Variants in PPP2R5E observed in about 807,000 individuals in gnomAD.
PPP2R5E encodes the protein serine/threonine-protein phosphatase 2A 56 kDa regulatory subunit epsilon isoform.
PPP2R5E carries 4 observed loss-of-function variants against 65.3 expected under a neutral mutation model. The ratio of observed to expected loss-of-function variants is 0.06; its 90% CI spans 0.03 to 0.14. The LOEUF (loss-of-function observed/expected upper bound fraction) is 0.14, where lower values mean the gene tolerates loss of function less well. Ranked by LOEUF, PPP2R5E falls within the 10% of genes least tolerant of loss-of-function variation. The pLI is 1.00. For missense variants in PPP2R5E, 274 were observed against 556.1 expected, an observed-to-expected ratio of 0.49 and a Z score of 5.10; for synonymous variants, 183 against 187.4, an observed-to-expected ratio of 0.98 and a Z score of 0.19.
intron 4 of PPP2R5E, among the ~76,000 whole-genome samples, chr14:63,416,689 TTAACA>T (rs1393944469): frequency 1.3e-5 from 2 of 152,094 alleles, no homozygotes; most frequent in East Asian, 3.9e-4. Context: ...GCATTATATG[TTAACA>T]TAATTATGTT....
intron 3 of PPP2R5E, among the ~76,000 whole-genome samples, chr14:63,438,700 G>A (rs894529774): frequency 5.9e-5 from 9 of 152,138 alleles, no homozygotes; most frequent in Non-Finnish European, 1.3e-4. Flanking sequence ...AAGCCAGAAG[G>A]ACTACAGCTT....
At chr14:63,471,935 G>A (rs1387119773) in intron 2 of PPP2R5E, among the ~76,000 whole-genome samples, 1 of 152,132 alleles carries the variant, frequency 6.6e-6, no homozygotes, top group Non-Finnish European at 1.5e-5. Context: ...TCTCCTCTTT[G>A]TACCAAGCAA....
chr14:63,382,212 T>C, intron 12 of PPP2R5E, 55 bp from the exon 13 acceptor site: 7 of 1,398,414 alleles, frequency 5.0e-6, no homozygotes, highest in South Asian at 3.6e-5. Context: ...AATGGGATAC[T>C]GAATGAAGAA....
intron 3 of PPP2R5E, among the ~76,000 whole-genome samples, chr14:63,438,521 T>C (rs1406507600): frequency 2.0e-5 from 3 of 152,176 alleles, no homozygotes; most frequent in Non-Finnish European, 4.4e-5. Context: ...AATGCAGTAC[T>C]GTAACTTATC....
At chr14:63,392,122 G>T in intron 8 of PPP2R5E, 97 bp from the exon 9 acceptor site, 2 of 810,206 alleles carry the variant, frequency 2.5e-6, no homozygotes, top group Non-Finnish European at 1.9e-6. Context: ...TTTCCAGACT[G>T]CTTTTAATAA....
chr14:63,421,032 G>A (rs1490066893), intron 4 of PPP2R5E, among the ~76,000 whole-genome samples: 3 of 72,702 alleles, frequency 4.1e-5, no homozygotes, highest in Non-Finnish European at 4.4e-5. Context: ...CAGCCTGGGC[G>A]ACAGAGCGAG....
chr14:63,397,671 AT>A (rs1885485103), intron 5 of PPP2R5E, among the ~76,000 whole-genome samples: 1 of 152,008 alleles, frequency 6.6e-6, no homozygotes, highest in Non-Finnish European at 1.5e-5. Context: ...CACTCTGTAA[AT>A]AGTCAACGAA....
At chr14:63,399,366 C>CT (rs397814218) in intron 5 of PPP2R5E, among the ~76,000 whole-genome samples, 4,233 of 48,296 alleles carry the variant, frequency 0.088, 788 homozygotes, top group Middle Eastern at 0.12. Flanking sequence ...GGATTTCTTT[C>CT]TTTTTTTTTT....
At chr14:63,390,769 C>T (rs1884973953) in intron 10 of PPP2R5E, among the ~76,000 whole-genome samples, 1 of 152,204 alleles carries the variant, frequency 6.6e-6, no homozygotes, top group Non-Finnish European at 1.5e-5. Context: ...AAAGTTTTAA[C>T]CAAATATAAA....
chr14:63,525,177 T>A (rs1893136041), intron 2 of PPP2R5E, among the ~76,000 whole-genome samples: 1 of 152,214 alleles, frequency 6.6e-6, no homozygotes, highest in Non-Finnish European at 1.5e-5. Context: ...CAGACATCTC[T>A]TCTTAACTGA....
intron 2 of PPP2R5E, among the ~76,000 whole-genome samples, chr14:63,526,248 A>T (rs1233465940): frequency 1.3e-5 from 2 of 152,182 alleles, no homozygotes; most frequent in East Asian, 3.8e-4. Context: ...TTTGAATCTA[A>T]ATATCAAAAC....
At chr14:63,520,331 A>G (rs867593162) in intron 2 of PPP2R5E, among the ~76,000 whole-genome samples, 55 of 152,252 alleles carry the variant, frequency 3.6e-4, no homozygotes, top group African/African-American at 1.3e-3. Flanking sequence ...CACCGCGCCC[A>G]GCCAAGAAGA....
chr14:63,467,301 A>G (rs1271053390), intron 2 of PPP2R5E, among the ~76,000 whole-genome samples: 2 of 152,068 alleles, frequency 1.3e-5, no homozygotes, highest in African/African-American at 4.8e-5. Flanking sequence ...TAGCCACAAA[A>G]CATCCGTCTC....
chr14:63,417,481 A>C (rs906273699), intron 4 of PPP2R5E, among the ~76,000 whole-genome samples: 1 of 140,266 alleles, frequency 7.1e-6, no homozygotes, highest in Non-Finnish European at 1.5e-5. Context: ...ATGATGTTTC[A>C]TGAGGAGGAA....
At chr14:63,501,282 G>A (rs1476473763) in intron 2 of PPP2R5E, among the ~76,000 whole-genome samples, 1 of 151,976 alleles carries the variant, frequency 6.6e-6, no homozygotes, top group Non-Finnish European at 1.5e-5. Flanking sequence ...GCGAGCGCCT[G>A]TAGTCCCAGC....
intron 1 of PPP2R5E, among the ~76,000 whole-genome samples, 186 bp downstream of exon 1, chr14:63,542,593 T>A (rs1057369545): frequency 2.6e-5 from 4 of 151,948 alleles, no homozygotes; most frequent in African/African-American, 9.7e-5. Context: ...ATGAGAGGTA[T>A]CATCAGAAGC....
chr14:63,409,133 C>T (rs767401545), intron 5 of PPP2R5E, among the ~76,000 whole-genome samples: 6 of 152,126 alleles, frequency 3.9e-5, no homozygotes, highest in Admixed American at 1.3e-4. Context: ...CTCAGGAGGC[C>T]GAGGCAGGAG....
chr14:63,439,573 C>T (rs1208242167), intron 3 of PPP2R5E, among the ~76,000 whole-genome samples: 1 of 152,126 alleles, frequency 6.6e-6, no homozygotes, highest in Non-Finnish European at 1.5e-5. Context: ...GGGGTTTCTC[C>T]GTGTTGGTCA....
chr14:63,457,051 T>G lies in PPP2R5E; in HGVS notation c.158-3166A>C, dbSNP rs74723945. Among the ~76,000 whole-genome samples, 126 of 152,266 alleles carry G rather than the reference T, an allele frequency of 8.3e-4. No individual in the cohort carries two copies. In the East Asian group the frequency reaches 0.013, roughly 16 times the overall value. ...CCTTTATGGTAACAATTTAGGAAAGTTTTATACATGTTGAAGGATGACCAG... is the reference window on the plus strand; with the variant it reads ...CCTTTATGGTAACAATTTAGGAAAGGTTTATACATGTTGAAGGATGACCAG... On this transcript the variant is annotated intron_variant, in intron 2 of 13. Transcript: ENST00000337537.
Sources: allele counts gnomAD v4.1 joint callset (sites outside exome capture counted in the v4.1 genomes callset), GRCh38; gene constraint gnomAD v4.1.1; transcripts MANE v1.5; gene names NCBI Gene and HGNC (gene_info 2026-07-23, HGNC 2026-07-21).